Variants in ARMC2 observed in about 807,000 individuals in gnomAD.
ARMC2 encodes armadillo repeat-containing protein 2.
ARMC2 carries 67 observed loss-of-function variants against 90.3 expected under a neutral mutation model. The ratio of observed to expected loss-of-function variants is 0.74; its 90% confidence interval spans 0.61 to 0.91. ARMC2 has a LOEUF of 0.91. Among genes scored for constraint, ARMC2 ranks in the 40% least tolerant of loss-of-function variants. The pLI, the probability that ARMC2 is intolerant of heterozygous loss-of-function variation, is 0.00. For synonymous variants in ARMC2, 393 were observed against 393.0 expected, an observed-to-expected ratio of 1.00 and a Z score of 0.00; for missense variants, 920 against 1,030.9, an observed-to-expected ratio of 0.89 and a Z score of 1.47.
At chr6:109,039,484 G>T in the ARMC2 span, among the ~76,000 whole-genome samples, 1 of 152,244 alleles carries the variant, frequency 6.6e-6, no homozygotes, top group African/African-American at 2.4e-5. Flanking sequence ...AGACAACTTG[G>T]AGGCAAGAAC....
the ARMC2 span, among the ~76,000 whole-genome samples, chr6:109,026,528 C>T: frequency 0.1 from 15,205 of 151,890 alleles, 925 homozygotes; most frequent in Middle Eastern, 0.19. Context: ...GATGGAGTCT[C>T]GCTCTGTCGC....
chr6:109,035,966 T>C, the ARMC2 span, among the ~76,000 whole-genome samples: 2 of 152,178 alleles, frequency 1.3e-5, no homozygotes, highest in East Asian at 1.9e-4. Context: ...TCCCAGAGCA[T>C]AGTAATTGCC....
chr6:108,976,093 T>C (rs924500471), downstream of ARMC2, among the ~76,000 whole-genome samples: 2 of 152,230 alleles, frequency 1.3e-5, no homozygotes, highest in African/African-American at 4.8e-5. Context: ...ATGTCCTGAA[T>C]GGTATTATTG....
chr6:108,960,289 T>G (rs1444866201), intron 13 of ARMC2, among the ~76,000 whole-genome samples: 9 of 152,114 alleles, frequency 5.9e-5, no homozygotes, highest in Non-Finnish European at 2.9e-5. Flanking sequence ...CCGCCACATC[T>G]CCGCCATCAC....
chr6:108,884,898 G>A (rs1177824050), intron 5 of ARMC2, among the ~76,000 whole-genome samples: 4 of 152,156 alleles, frequency 2.6e-5, no homozygotes, highest in Non-Finnish European at 4.4e-5. Context: ...ATTCAGAATG[G>A]AAAGCAGAGA....
chr6:109,009,084 G>A, the ARMC2 span: 4 of 838,176 alleles, frequency 4.8e-6, no homozygotes, highest in Admixed American at 4.7e-5. Context: ...TTACATGACC[G>A]CGGCCGCAGT....
chr6:108,863,997 T>C (rs1027382880), intron 3 of ARMC2, among the ~76,000 whole-genome samples: 3 of 152,162 alleles, frequency 2.0e-5, no homozygotes, highest in South Asian at 2.1e-4. Flanking sequence ...ATTTAATATT[T>C]TTAAAAGAAA....
At chr6:108,886,123 T>C (rs1778076512) in intron 5 of ARMC2, among the ~76,000 whole-genome samples, 1 of 152,260 alleles carries the variant, frequency 6.6e-6, no homozygotes. Flanking sequence ...TTTTCTCTTA[T>C]CCATAAGCAT....
At chr6:109,027,651 G>A in the ARMC2 span, among the ~76,000 whole-genome samples, 7 of 152,034 alleles carry the variant, frequency 4.6e-5, no homozygotes, top group African/African-American at 9.7e-5. Flanking sequence ...CACAACTGGT[G>A]AGGAGCAGGT....
chr6:109,051,719 T>C, the ARMC2 span, among the ~76,000 whole-genome samples: 2 of 152,234 alleles, frequency 1.3e-5, no homozygotes, highest in East Asian at 3.8e-4. Flanking sequence ...GGGTAATTTA[T>C]TTAAAAAATC....
At chr6:108,876,490 A>T in intron 5 of ARMC2, 140 bp downstream of exon 5, 2 of 777,884 alleles carry the variant, frequency 2.6e-6, no homozygotes, top group Non-Finnish European at 4.1e-6. Flanking sequence ...TGAATAGGAG[A>T]GACTACTTCT....
intron 11 of ARMC2, among the ~76,000 whole-genome samples, chr6:108,935,725 GA>G (rs1775909644): frequency 6.6e-6 from 1 of 152,160 alleles, no homozygotes; most frequent in Non-Finnish European, 1.5e-5. Context: ...TTACAGGCGT[GA>G]GCCACTGTGC....
chr6:109,027,091 A>G, the ARMC2 span, among the ~76,000 whole-genome samples: 1 of 152,224 alleles, frequency 6.6e-6, no homozygotes, highest in South Asian at 2.1e-4. Flanking sequence ...AATCGCTTGA[A>G]TCTGGGAGGT....
chr6:109,006,387 T>G, the ARMC2 span, among the ~76,000 whole-genome samples: 45 of 152,178 alleles, frequency 3.0e-4, no homozygotes, highest in South Asian at 1.5e-3. Flanking sequence ...CCATGTTGGT[T>G]TGCTGCACCC....
In ARMC2 at chr6:108,914,878, A is replaced by G. The variant is rs567929477; in HGVS notation, c.1350+2320A>G. ...CCGGTTCATGTGCAAATTCAGCCAG[A>G]CAGATCTGGCCACAAGCAGAAGTGT... On this transcript the variant is annotated intron_variant, in intron 10 of 17. Transcript: ENST00000392644. Among the ~76,000 whole-genome samples the G allele has an allele frequency of 5.3e-5, 8 of 152,122 alleles. No individual in the cohort carries two copies. The South Asian group carries it at 1.5e-3, about 28-fold the overall frequency.
At chr6:108,955,296 A>C (rs1021558783) in intron 13 of ARMC2, among the ~76,000 whole-genome samples, 5 of 152,194 alleles carry the variant, frequency 3.3e-5, no homozygotes, top group Non-Finnish European at 5.9e-5. Context: ...AGTTTCTGAG[A>C]AGGGCAGAAG....
chr6:108,878,544 T>C (rs1777157712), intron 5 of ARMC2, among the ~76,000 whole-genome samples: 1 of 152,224 alleles, frequency 6.6e-6, no homozygotes, highest in African/African-American at 2.4e-5. Context: ...ATTTATAATA[T>C]GGATAATTCA....
chr6:108,885,765 G>T (rs9486971), intron 5 of ARMC2, among the ~76,000 whole-genome samples: 3,027 of 152,218 alleles, frequency 0.02, 85 homozygotes, highest in African/African-American at 0.069. Context: ...ATGCTGAGGG[G>T]ACCCTCCCTC....
intron 5 of ARMC2, among the ~76,000 whole-genome samples, chr6:108,885,944 G>A (rs138834056): frequency 1.3e-5 from 2 of 152,254 alleles, no homozygotes; most frequent in South Asian, 2.1e-4. Flanking sequence ...TATTGTCCAT[G>A]GCCATCTTCA....
Sources: gnomAD v4.1 joint callset for allele counts (sites outside exome capture counted in the v4.1 genomes callset) on GRCh38, gnomAD v4.1.1 for gene constraint, MANE v1.5 for transcripts, NCBI Gene and HGNC (gene_info 2026-07-23, HGNC 2026-07-21) for gene names.